MAPKAPK5: variants seen among roughly 807,000 people sequenced by gnomAD.
The protein encoded by MAPKAPK5 is MAP kinase-activated protein kinase 5.
Under a neutral mutation model 65.1 loss-of-function variants are expected in MAPKAPK5, and 30 were observed. The ratio of observed to expected loss-of-function variants is 0.46; its 90% CI spans 0.34 to 0.63. MAPKAPK5 has a LOEUF of 0.63. MAPKAPK5 is among the 20% of genes least tolerant of loss of function. The probability of loss-of-function intolerance (pLI) is 0.01; values close to 1 mark genes in which losing one functional copy is unlikely to be tolerated. For missense variants in MAPKAPK5, 433 were observed against 581.4 expected (o/e 0.74, Z 2.63); for synonymous variants, 179 against 204.6 (o/e 0.87, Z 1.07).
At chr12:111,844,391 C>T (rs780178713) in intron 1 of MAPKAPK5, among the ~76,000 whole-genome samples, 1 of 151,996 alleles carries the variant, frequency 6.6e-6, no homozygotes, top group Non-Finnish European at 1.5e-5. Flanking sequence ...TGGGGTTTCA[C>T]TGTGTTAGCC....
rs956922586 is a variant in MAPKAPK5, at chr12:111,883,904, G to C, written c.848+136G>C. ...TTTTAATATCACAGAAATCTCTCTGGAGCCTGAGGTGACTGTTCTCAGTGT... is the reference window on the plus strand; with the variant it reads ...TTTTAATATCACAGAAATCTCTCTGCAGCCTGAGGTGACTGTTCTCAGTGT... On this transcript the variant is annotated intron_variant, in intron 9 of 13. Transcript: ENST00000550735. This position sits in a 1 kb window ranked among gnomAD's most constrained non-coding sequence, Gnocchi z 4.8. 3 of 871,894 alleles carry C rather than the reference G, an allele frequency of 3.4e-6. No individual in the cohort carries two copies. The African/African-American group carries it at 5.1e-5, about 15-fold the overall frequency. The allele number at this position is 871,894 out of a possible 1,614,324, so 54.0% of individuals were successfully genotyped here. A position where few individuals can be genotyped will look rare whatever the true frequency, so the allele number is the denominator to read the frequency against.
At chr12:111,886,162 C>CAGGAAACCAGAGA in intron 10 of MAPKAPK5, 126 bp downstream of exon 10, 3 of 1,372,238 alleles carry the variant, frequency 2.2e-6, no homozygotes, top group Non-Finnish European at 3.0e-6. Flanking sequence ...AGAAACATCT[C>CAGGAAACCAGAGA]TGGTTTCCTG....
chr12:111,900,777 G>C lies in MAPKAPK5; in HGVS notation c.*7716G>C, dbSNP rs1331200200. ...CTGTGATCTCCCAGAATTTTGCAAT[G>C]GTACATCTGCATTATGCCCCAACAA... On this transcript the variant is annotated 3_prime_UTR_variant, in exon 14 of 14. Transcript: ENST00000550735. The C allele has an allele frequency of 2.2e-6, 1 of 456,070 alleles. No individual in the cohort carries two copies. The highest frequency in any genetic ancestry group is 2.3e-5 in the Admixed American group (1 of 42,566). 28.3% of individuals were successfully genotyped at this position (456,070 alleles called of 1,614,324 possible).
chr12:111,886,141 A>G (rs1165299537), intron 10 of MAPKAPK5, 105 bp downstream of exon 10: 1 of 1,478,758 alleles, frequency 6.8e-7, no homozygotes, highest in Non-Finnish European at 9.2e-7. Context: ...AGAGTACACG[A>G]TCCTTCCCAG....
chr12:111,859,406 G>A (rs1211431331), intron 1 of MAPKAPK5, among the ~76,000 whole-genome samples: 1 of 151,304 alleles, frequency 6.6e-6, no homozygotes, highest in East Asian at 2.0e-4. Context: ...AGCCTCCCGA[G>A]TAGCTGGGAT....
intron 1 of MAPKAPK5, among the ~76,000 whole-genome samples, chr12:111,846,828 G>A (rs565336427): frequency 1.3e-5 from 2 of 152,130 alleles, no homozygotes; most frequent in South Asian, 4.2e-4. Flanking sequence ...ACTATTCTTT[G>A]TAGTGTAATG....
At chr12:111,881,532 G>C (rs1293984530) in intron 8 of MAPKAPK5, among the ~76,000 whole-genome samples, 1 of 151,402 alleles carries the variant, frequency 6.6e-6, no homozygotes, top group Non-Finnish European at 1.5e-5. Context: ...AGCCTCCCAA[G>C]TAGCTGGGAT....
Position 111,896,578 on chromosome 12 carries a change from A to G in MAPKAPK5, c.*3517A>G, listed in dbSNP as rs912150586. ...GGAAGTGAAACGATATCTTTCTCATATTTTTTGGCCTAACAAACACCTATA... is the reference window on the plus strand; with the variant it reads ...GGAAGTGAAACGATATCTTTCTCATGTTTTTTGGCCTAACAAACACCTATA... On this transcript the variant is annotated 3_prime_UTR_variant, in exon 14 of 14. Transcript: ENST00000550735. 5 of 152,136 alleles carry G rather than the reference A, an allele frequency of 3.3e-5. No homozygotes were observed. Among genetic ancestry groups the G allele is most frequent in the Non-Finnish European group, 7.4e-5 (5 of 68,018 alleles). 9.4% of individuals were successfully genotyped at this position (152,136 alleles called of 1,614,324 possible). A position where few individuals can be genotyped will look rare whatever the true frequency, so the allele number is the denominator to read the frequency against.
rs1312749575 is a variant in MAPKAPK5, at chr12:111,900,998, A to G, written c.*7937A>G. ...GCATTTCTACCAGTCCTGGGTCACA[A>G]TATGTTCGGTGTTCAGATGGTAATA... On this transcript the variant is annotated 3_prime_UTR_variant, in exon 14 of 14. Transcript: ENST00000550735. The G allele has an allele frequency of 1.3e-5, 6 of 456,096 alleles. No homozygotes were observed. In the East Asian group the frequency reaches 2.8e-4, roughly 21 times the overall value. The allele number at this position is 456,096 out of a possible 1,614,324, so 28.3% of individuals were successfully genotyped here.
chr12:111,877,153 G>C (rs997116795), intron 7 of MAPKAPK5, among the ~76,000 whole-genome samples: 1 of 152,146 alleles, frequency 6.6e-6, no homozygotes, highest in African/African-American at 2.4e-5. Flanking sequence ...GAGTAGCTGG[G>C]ATTAAAGGCA....
At chr12:111,845,994 A>G (rs142403556) in intron 1 of MAPKAPK5, among the ~76,000 whole-genome samples, 19 of 152,300 alleles carry the variant, frequency 1.2e-4, no homozygotes, top group Admixed American at 1.2e-3. Context: ...GTGCTTTAGA[A>G]AGAGTTGTTT....
rs770893337 is a variant in MAPKAPK5, at chr12:111,901,326, G to GC, written c.*8272dup. Reference sequence around the variant, plus strand: ...GCACTGCCACTGTAATGAAGGGCATGCCCCCCCTGACTGTGTTACTGCAGG... The same window carrying GC: ...GCACTGCCACTGTAATGAAGGGCATGCCCCCCCCTGACTGTGTTACTGCAGG... On this transcript the variant is annotated 3_prime_UTR_variant, in exon 14 of 14. Coordinates refer to ENST00000550735, the MANE Select transcript of MAPKAPK5 (RefSeq NM_003668.4). 2.2e-5 allele frequency: 10 copies of GC among 455,872 alleles called. No homozygotes were observed. The highest frequency in any genetic ancestry group is 2.6e-5 in the Non-Finnish European group (6 of 226,784). 28.2% of individuals were successfully genotyped at this position (455,872 alleles called of 1,614,324 possible). A position where few individuals can be genotyped will look rare whatever the true frequency, so the allele number is the denominator to read the frequency against.
chr12:111,882,080 T>C (rs1445859827), intron 8 of MAPKAPK5, among the ~76,000 whole-genome samples: 1 of 152,148 alleles, frequency 6.6e-6, no homozygotes, highest in Non-Finnish European at 1.5e-5. Flanking sequence ...TCTACTAGTA[T>C]AATGTGAAAA....
In MAPKAPK5 at chr12:111,893,196, G is replaced by C. The variant is rs1412392951; in HGVS notation, c.*135G>C. On this transcript the variant is annotated 3_prime_UTR_variant, in exon 14 of 14. Transcript: ENST00000550735. The stretch of plus-strand genomic sequence containing the variant: ...GCTGCTGTATAGATTTAGGGTGCAG[G>C]ACTTAATAATAGTATAGTTATTGTT... The C allele has an allele frequency of 3.5e-6, 2 of 574,472 alleles. No homozygotes were observed. Among genetic ancestry groups the C allele is most frequent in the Admixed American group, 6.6e-5 (2 of 30,490 alleles). 35.6% of individuals were successfully genotyped at this position (574,472 alleles called of 1,614,324 possible).
At chr12:111,847,018 A>G (rs1159281774) in intron 1 of MAPKAPK5, among the ~76,000 whole-genome samples, 2 of 152,004 alleles carry the variant, frequency 1.3e-5, no homozygotes, top group African/African-American at 4.8e-5. Flanking sequence ...ATCCTCCCTT[A>G]TCTGTGGGGA....
At chr12:111,870,491 C>A in intron 6 of MAPKAPK5, 131 bp downstream of exon 6, 1 of 576,690 alleles carries the variant, frequency 1.7e-6, no homozygotes, top group Non-Finnish European at 3.1e-6. Context: ...CTTATTTCTT[C>A]AACTCGTTCC....
chr12:111,855,853 CTTTTTTT>C (rs144921229), intron 1 of MAPKAPK5, among the ~76,000 whole-genome samples: 1 of 135,744 alleles, frequency 7.4e-6, no homozygotes, highest in South Asian at 2.4e-4. Flanking sequence ...TGTTTAATTT[CTTTTTTT>C]TTTTTTTTTC....
At position 111,888,983 on chromosome 12, in the gene MAPKAPK5, GT is replaced by G. The variant is rs1257952637; in HGVS notation, c.1200del (p.Cys400Ter). 2 of 1,590,492 alleles carry G rather than the reference GT, an allele frequency of 1.3e-6. No individual in the cohort carries two copies. Among genetic ancestry groups the G allele is most frequent in the Non-Finnish European group, 1.7e-6 (2 of 1,168,206 alleles). On this transcript the variant is annotated frameshift_variant, in exon 12 of 14. Coordinates refer to ENST00000550735, the MANE Select transcript of MAPKAPK5 (RefSeq NM_003668.4). LOFTEE classifies it high-confidence loss of function. ...AAACTCCGAGATGTGATTGCTCAGT[GT>G]ATTCTCCCCCAGGCTGGTAAAGGTC... ...LEKLRDVIAQ[C>X]ILPQAGENED...
chr12:111,891,823 A>G (rs373779770), intron 13 of MAPKAPK5, among the ~76,000 whole-genome samples: 12 of 150,066 alleles, frequency 8.0e-5, no homozygotes, highest in Non-Finnish European at 1.0e-4. Flanking sequence ...AAAAAAAGGG[A>G]AAAAAAAACT....
Sources: gnomAD v4.1 joint callset for allele counts (sites outside exome capture counted in the v4.1 genomes callset) on GRCh38, gnomAD v4.1.1 for gene constraint, Gnocchi (gnomAD v3.1) non-coding constraint, MANE v1.5 for transcripts, NCBI Gene and HGNC (gene_info 2026-07-23, HGNC 2026-07-21) for gene names.